Variants in PLEKHA7 observed in about 807,000 individuals in gnomAD.
The protein encoded by PLEKHA7 is pleckstrin homology domain containing A7, also known as pleckstrin homology domain-containing family A member 7.
PLEKHA7 carries 104 observed loss-of-function variants against 170.0 expected under a neutral mutation model. The observed-to-expected ratio is 0.61, with a 90% CI of 0.52 to 0.72. The LOEUF (loss-of-function observed/expected upper bound fraction) is 0.72, where lower values mean the gene tolerates loss of function less well. Among genes scored for constraint, PLEKHA7 ranks in the 30% least tolerant of loss-of-function variants. The pLI is 0.00. For synonymous variants in PLEKHA7, 648 were observed against 660.8 expected, an observed-to-expected ratio of 0.98 and a Z score of 0.30; for missense variants, 1,615 against 1,671.7, an observed-to-expected ratio of 0.97 and a Z score of 0.59.
intron 3 of PLEKHA7, among the ~76,000 whole-genome samples, chr11:16,999,694 C>G (rs1164166706): frequency 6.6e-6 from 1 of 152,202 alleles, no homozygotes; most frequent in African/African-American, 2.4e-5. Context: ...GCCTGAGCAC[C>G]TATCATGTGC....
intron 3 of PLEKHA7, among the ~76,000 whole-genome samples, chr11:16,877,805 C>A (rs148994269): frequency 6.6e-6 from 1 of 152,184 alleles, no homozygotes; most frequent in African/African-American, 2.4e-5. Context: ...TAAGCCACCT[C>A]ACCTCTCTGA....
chr11:16,779,533 A>G (rs546561413), intron 26 of PLEKHA7, among the ~76,000 whole-genome samples: 1 of 152,348 alleles, frequency 6.6e-6, no homozygotes, highest in South Asian at 2.1e-4. Context: ...TACTGTGCTC[A>G]GATCTCTAGG....
intron 12 of PLEKHA7, among the ~76,000 whole-genome samples, chr11:16,815,565 C>T (rs1849688676): frequency 6.6e-6 from 1 of 152,176 alleles, no homozygotes; most frequent in Admixed American, 6.5e-5. Flanking sequence ...TGCTTTGTCA[C>T]CCAGGCTGGA....
At chr11:17,003,583 T>C (rs1864807741) in intron 3 of PLEKHA7, among the ~76,000 whole-genome samples, 1 of 152,224 alleles carries the variant, frequency 6.6e-6, no homozygotes, top group African/African-American at 2.4e-5. Flanking sequence ...AACCCCATTT[T>C]ACTGGTGAGG....
chr11:16,853,780 C>G (rs405904), intron 6 of PLEKHA7, among the ~76,000 whole-genome samples: 126,823 of 152,208 alleles, frequency 0.83, 53,519 homozygotes, highest in East Asian at 0.92. Flanking sequence ...GCACAAGAGA[C>G]GGTGGTACCA....
chr11:16,801,847 G>T (rs775614646), intron 15 of PLEKHA7, 30 bp from the exon 16 acceptor site: 3 of 1,613,054 alleles, frequency 1.9e-6, no homozygotes, highest in Non-Finnish European at 2.5e-6. Context: ...AAAACAGCAG[G>T]ATAGGAGGAC....
chr11:16,797,150 G>A (rs528399361), intron 17 of PLEKHA7, among the ~76,000 whole-genome samples: 2 of 152,246 alleles, frequency 1.3e-5, no homozygotes, highest in South Asian at 2.1e-4. Flanking sequence ...AACCAAAATC[G>A]AATGGGAAGA....
At chr11:17,004,675 G>A (rs969960964) in intron 3 of PLEKHA7, among the ~76,000 whole-genome samples, 6 of 152,086 alleles carry the variant, frequency 3.9e-5, no homozygotes, top group Non-Finnish European at 8.8e-5. Flanking sequence ...TTACAAGCAT[G>A]AGTCACCATG....
chr11:16,977,843 T>C (rs896875222), intron 3 of PLEKHA7, among the ~76,000 whole-genome samples: 5 of 152,210 alleles, frequency 3.3e-5, no homozygotes, highest in African/African-American at 1.2e-4. Context: ...TCAACCTCTC[T>C]GAGCCTTGGT....
intron 3 of PLEKHA7, among the ~76,000 whole-genome samples, chr11:16,898,819 G>T (rs1857151342): frequency 6.6e-6 from 1 of 152,060 alleles, no homozygotes; most frequent in African/African-American, 2.4e-5. Flanking sequence ...CTAGTTCACT[G>T]TCCTCAGATC....
intron 3 of PLEKHA7, among the ~76,000 whole-genome samples, chr11:16,892,432 GTGT>G (rs1856698420): frequency 8.7e-6 from 1 of 114,946 alleles, no homozygotes; most frequent in Admixed American, 8.8e-5. Flanking sequence ...GTGTGTGTGT[GTGT>G]TTTGTTTTGT....
Position 17,002,228 on chromosome 11 carries a change from T to C in PLEKHA7, c.221+11761A>G, listed in dbSNP as rs189194742. On this transcript the variant is annotated intron_variant, in intron 3 of 26. Transcript: ENST00000531066. ...GAGAACTGCTTCTGAGGGATAACCC[T>C]AGAGGGAGGAATCAGTAGAGAGGGA... 5.5e-3 allele frequency among the ~76,000 whole-genome samples: 841 copies of C among 152,170 alleles called. 3 individuals are homozygous for C. Among genetic ancestry groups the C allele is most frequent in the Non-Finnish European group, 8.1e-3 (553 of 67,976 alleles).
chr11:16,855,833 G>A lies in PLEKHA7; in HGVS notation c.387C>T (p.Ala129=). 2 of 1,614,072 alleles carry A rather than the reference G, an allele frequency of 1.2e-6. No individual in the cohort carries two copies. The highest frequency in any genetic ancestry group is 1.7e-6 in the Non-Finnish European group (2 of 1,179,936). Residue 129 remains alanine, a synonymous_variant, in exon 5 of 27, where the codon GCC becomes GCT. Transcript: ENST00000531066. ...MVSETSTAGT[A]STLEAKPGPK... ...GTCCAGGCTTGGCCTCCAGGGTGGA[G>A]GCGGTCCCAGCCGTGGATGTTTCAC...
chr11:16,898,632 C>T (rs1857141461), intron 3 of PLEKHA7, among the ~76,000 whole-genome samples: 1 of 152,166 alleles, frequency 6.6e-6, no homozygotes, highest in African/African-American at 2.4e-5. Context: ...TATTATTCTT[C>T]CTTATTTTGC....
chr11:16,797,906 T>A (rs773436850), intron 17 of PLEKHA7, among the ~76,000 whole-genome samples: 3 of 151,818 alleles, frequency 2.0e-5, no homozygotes, highest in Non-Finnish European at 4.4e-5. Context: ...GAGCAGAGAA[T>A]AAAAAAGGCT....
intron 3 of PLEKHA7, among the ~76,000 whole-genome samples, chr11:16,979,842 T>G (rs1863312895): frequency 6.6e-6 from 1 of 152,176 alleles, no homozygotes; most frequent in Non-Finnish European, 1.5e-5. Context: ...ACTGATTAAC[T>G]CACAGGCAAG....
At chr11:16,985,761 T>G (rs1258123272) in intron 3 of PLEKHA7, among the ~76,000 whole-genome samples, 1 of 152,198 alleles carries the variant, frequency 6.6e-6, no homozygotes, top group Non-Finnish European at 1.5e-5. Flanking sequence ...CAGAGAGACA[T>G]TACACAGACT....
At chr11:16,977,776 C>G (rs1210667952) in intron 3 of PLEKHA7, among the ~76,000 whole-genome samples, 1 of 152,162 alleles carries the variant, frequency 6.6e-6, no homozygotes, top group East Asian at 1.9e-4. Context: ...TCAAGGCACA[C>G]AGTATGGTCA....
intron 9 of PLEKHA7, among the ~76,000 whole-genome samples, chr11:16,834,705 T>A (rs549683514): frequency 3.1e-4 from 47 of 152,296 alleles, no homozygotes; most frequent in Middle Eastern, 6.8e-3. Flanking sequence ...AAAAACATCC[T>A]TAGACAAGAC....
Sources: allele counts gnomAD v4.1 joint callset (sites outside exome capture counted in the v4.1 genomes callset), GRCh38; gene constraint gnomAD v4.1.1; transcripts MANE v1.5; gene names NCBI Gene and HGNC (gene_info 2026-07-23, HGNC 2026-07-21).